Variants in PDE9A observed in about 807,000 individuals in gnomAD.
PDE9A encodes phosphodiesterase 9A.
PDE9A carries 60 observed loss-of-function variants against 87.4 expected under a neutral mutation model. The ratio of observed to expected loss-of-function variants is 0.69; its 90% confidence interval spans 0.56 to 0.85. The LOEUF is 0.85. Ranked by LOEUF, PDE9A falls within the 40% of genes least tolerant of loss-of-function variation. PDE9A has a pLI of 0.00. For missense variants in PDE9A, 665 were observed against 779.0 expected, an observed-to-expected ratio of 0.85 and a Z score of 1.74; for synonymous variants, 272 against 279.4, an observed-to-expected ratio of 0.97 and a Z score of 0.27.
At chr21:42,769,278 TACACAGATAC>T in intron 17 of PDE9A, 123 bp downstream of exon 17, 1 of 819,032 alleles carries the variant, frequency 1.2e-6, no homozygotes, top group Non-Finnish European at 1.9e-6. Context: ...TGCACACACG[TACACAGATAC>T]ACACAGACGC....
chr21:42,695,507 G>A lies in PDE9A; in HGVS notation c.219-3461G>A, dbSNP rs1243810688. On this transcript the variant is annotated intron_variant, in intron 3 of 19. Transcript: ENST00000291539. The surrounding 1 kb of genome is among the most constrained non-coding windows in gnomAD (Gnocchi z 4.3). Reference sequence around the variant, plus strand: ...TACAGAGGGGAGAGGGCCAGAGGACGGCGCCGTGCGACACACACCATTGCT... The same window carrying A: ...TACAGAGGGGAGAGGGCCAGAGGACAGCGCCGTGCGACACACACCATTGCT... Among the ~76,000 whole-genome samples, 1 of 152,214 alleles carries A rather than the reference G, an allele frequency of 6.6e-6. No homozygotes were observed. The highest frequency in any genetic ancestry group is 2.4e-5 in the African/African-American group (1 of 41,458).
Position 42,730,666 on chromosome 21 carries a change from A to G in PDE9A, c.263-1104A>G, listed in dbSNP as rs140001363. On this transcript the variant is annotated intron_variant, in intron 4 of 19. Coordinates refer to ENST00000291539, the MANE Select transcript of PDE9A (RefSeq NM_002606.3). ...TTTTTTTTGTACTTTAACAACAGAC[A>G]TGAACATTTTTCAAAATATTATTTC... Among the ~76,000 whole-genome samples the G allele has an allele frequency of 8.4e-4, 128 of 152,356 alleles. 1 individual carries two copies. In the East Asian group the frequency reaches 0.016, roughly 19 times the overall value.
chr21:42,772,236 A>G (rs1005441615), intron 18 of PDE9A, among the ~76,000 whole-genome samples: 3 of 152,212 alleles, frequency 2.0e-5, no homozygotes, highest in African/African-American at 7.2e-5. Flanking sequence ...CAGGCCCCAG[A>G]TGAGGCACCA....
intron 1 of PDE9A, among the ~76,000 whole-genome samples, chr21:42,676,035 C>CTCCT (rs1211841434): frequency 6.6e-6 from 1 of 152,074 alleles, no homozygotes; most frequent in African/African-American, 2.4e-5. Flanking sequence ...TAGAAGGCAT[C>CTCCT]TCCTCTCTCT....
chr21:42,758,143 G>A (rs756375015), intron 10 of PDE9A: 2 of 152,214 alleles, frequency 1.3e-5, no homozygotes, highest in Admixed American at 6.5e-5. Flanking sequence ...CACTGGGCTC[G>A]CCACCCAAGA....
At position 42,760,474 on chromosome 21, in the gene PDE9A, G is replaced by T. The variant is rs373257054; in HGVS notation, c.1002+42G>T. ...GCACACCCAGACCTCTACTCTCGGG[G>T]GTCAGACGGAGGCCCCCTTCCAGGG... is the stretch of plus-strand genomic sequence containing the variant. On this transcript the variant is annotated intron_variant, in intron 12 of 19. Transcript: ENST00000291539. This position sits in a 1 kb window ranked among gnomAD's most constrained non-coding sequence, Gnocchi z 5.2. 5.7e-5 allele frequency: 71 copies of T among 1,253,088 alleles called. No homozygotes were observed. Among genetic ancestry groups the T allele is most frequent in the Middle Eastern group, 1.9e-4 (1 of 5,352 alleles). The allele number at this position is 1,253,088 out of a possible 1,614,324, so 77.6% of individuals were successfully genotyped here.
At chr21:42,762,521 C>T (rs1028883233) in intron 14 of PDE9A, among the ~76,000 whole-genome samples, 56 of 152,286 alleles carry the variant, frequency 3.7e-4, no homozygotes, top group African/African-American at 1.3e-3. Flanking sequence ...TCCTTTGTCC[C>T]TCTTCCAGCC....
chr21:42,749,787 T>C (rs779450312), intron 8 of PDE9A, among the ~76,000 whole-genome samples: 2 of 152,238 alleles, frequency 1.3e-5, no homozygotes, highest in Non-Finnish European at 2.9e-5. Flanking sequence ...TCATGATATG[T>C]TAGATGACAA....
intron 3 of PDE9A, among the ~76,000 whole-genome samples, chr21:42,698,509 G>A (rs1163440940): frequency 1.3e-5 from 2 of 152,092 alleles, no homozygotes; most frequent in African/African-American, 2.4e-5. Context: ...GGGGAGGGGG[G>A]TTGACATCAC....
intron 1 of PDE9A, among the ~76,000 whole-genome samples, chr21:42,685,354 C>T (rs972467766): frequency 9.2e-5 from 14 of 152,364 alleles, no homozygotes; most frequent in Non-Finnish European, 1.8e-4. Context: ...TCTGCAGGCG[C>T]CAGTTTCACC....
At chr21:42,724,717 C>A in intron 4 of PDE9A, 1 of 455,594 alleles carries the variant, frequency 2.2e-6, no homozygotes, top group Non-Finnish European at 2.9e-6. Flanking sequence ...CTGAGAATAG[C>A]TGACATGCTG....
In PDE9A at chr21:42,711,143, G is replaced by A. The variant is rs759213068; in HGVS notation, c.262+12132G>A. On this transcript the variant is annotated intron_variant, in intron 4 of 19. Coordinates refer to ENST00000291539, the MANE Select transcript of PDE9A (RefSeq NM_002606.3). ...TCCCAATTTGTGATTTGCCTTTTTC[G>A]TTTTCTTAATGAGGTCATTTGATGA... Among the ~76,000 whole-genome samples, 9 of 151,682 alleles carry A rather than the reference G, an allele frequency of 5.9e-5. No homozygotes were observed. In the South Asian group the frequency reaches 6.2e-4, roughly 10 times the overall value.
At position 42,769,612 on chromosome 21, in the gene PDE9A, G is replaced by A. The variant is rs2056800620; in HGVS notation, c.1590+457G>A. Among the ~76,000 whole-genome samples, 3 of 45,944 alleles carry A rather than the reference G, an allele frequency of 6.5e-5. 1 individual carries two copies. Among genetic ancestry groups the A allele is most frequent in the African/African-American group, 3.1e-4 (2 of 6,482 alleles). 30.1% of individuals were successfully genotyped at this position (45,944 alleles called of 152,430 possible). A position where few individuals can be genotyped will look rare whatever the true frequency, so the allele number is the denominator to read the frequency against. On this transcript the variant is annotated intron_variant, in intron 17 of 19. Transcript: ENST00000291539. ...TACACACAGGCACACAAATGCACAT[G>A]CAGGTACACATGCACACACAGGCAC...
chr21:42,770,036 G>A (rs535808515), intron 17 of PDE9A, among the ~76,000 whole-genome samples: 3 of 151,916 alleles, frequency 2.0e-5, no homozygotes, highest in Non-Finnish European at 4.4e-5. Context: ...CCCACTCTGC[G>A]TCCCAGTTCC....
intron 1 of PDE9A, among the ~76,000 whole-genome samples, chr21:42,682,153 C>T (rs1008731200): frequency 2.0e-5 from 3 of 152,330 alleles, no homozygotes; most frequent in South Asian, 2.1e-4. Context: ...CTAAAATGAC[C>T]GTGTGTCAAA....
intron 2 of PDE9A, among the ~76,000 whole-genome samples, chr21:42,686,831 T>TA (rs1267514202): frequency 6.6e-6 from 1 of 151,764 alleles, no homozygotes; most frequent in Non-Finnish European, 1.5e-5. Flanking sequence ...AATAAATAAA[T>TA]AAAAAAGAGT....
chr21:42,664,405 G>A (rs142452343), intron 1 of PDE9A, among the ~76,000 whole-genome samples: 193 of 152,330 alleles, frequency 1.3e-3, no homozygotes, highest in African/African-American at 4.3e-3. Context: ...TAGGAGCCCA[G>A]ATCCAGGGAG....
Position 42,715,626 on chromosome 21 carries a change from GAAAA to G in PDE9A, c.263-16137_263-16134del, listed in dbSNP as rs559538193. Among the ~76,000 whole-genome samples the G allele has an allele frequency of 6.2e-5, 9 of 144,676 alleles. No homozygotes were observed. In the South Asian group the frequency reaches 2.0e-3, roughly 33 times the overall value. The allele number at this position is 144,676 out of a possible 152,430, so 94.9% of individuals were successfully genotyped here. A position where few individuals can be genotyped will look rare whatever the true frequency, so the allele number is the denominator to read the frequency against. On this transcript the variant is annotated intron_variant, in intron 4 of 19. Coordinates refer to ENST00000291539, the MANE Select transcript of PDE9A (RefSeq NM_002606.3). Reference sequence around the variant, plus strand: ...AGAGAGACTCTGTCTCCAGACAAAAGAAAAAAAAAAGACTGTACATTGGTTACAA... The same window carrying G: ...AGAGAGACTCTGTCTCCAGACAAAAGAAAAAAGACTGTACATTGGTTACAA...
chr21:42,721,872 C>T (rs1327436232), intron 4 of PDE9A, among the ~76,000 whole-genome samples: 1 of 152,084 alleles, frequency 6.6e-6, no homozygotes, highest in Admixed American at 6.5e-5. Context: ...GTCTAGAGTG[C>T]TTATCTCTTT....
Sources: gnomAD v4.1 joint callset for allele counts (sites outside exome capture counted in the v4.1 genomes callset) on GRCh38, gnomAD v4.1.1 for gene constraint, Gnocchi (gnomAD v3.1) non-coding constraint, MANE v1.5 for transcripts, NCBI Gene and HGNC (gene_info 2026-07-23, HGNC 2026-07-21) for gene names.